DOK5: variants seen among roughly 807,000 people sequenced by gnomAD.
DOK5 encodes the protein docking protein 5, also known as downstream of tyrosine kinase 5.
In DOK5, 27 loss-of-function variants were observed where a neutral mutation model predicts 43.3. That is an observed-to-expected ratio of 0.62 (90% confidence interval 0.46 to 0.86). DOK5 has a LOEUF of 0.86. Ranked by LOEUF, DOK5 falls within the 40% of genes least tolerant of loss-of-function variation. The probability of loss-of-function intolerance (pLI) is 0.00; values close to 1 mark genes in which losing one functional copy is unlikely to be tolerated. For missense variants in DOK5, 373 were observed against 392.9 expected, an observed-to-expected ratio of 0.95 and a Z score of 0.43; for synonymous variants, 146 against 140.1, an observed-to-expected ratio of 1.04 and a Z score of -0.30.
At chr20:54,575,395 T>A (rs912791868) in intron 2 of DOK5, among the ~76,000 whole-genome samples, 1 of 152,154 alleles carries the variant, frequency 6.6e-6, no homozygotes, top group Non-Finnish European at 1.5e-5. Flanking sequence ...TATTGCCTAT[T>A]TTCTTAGTTG....
chr20:54,605,619 C>T (rs1986447234), intron 5 of DOK5, among the ~76,000 whole-genome samples: 1 of 152,246 alleles, frequency 6.6e-6, no homozygotes, highest in Admixed American at 6.5e-5. Context: ...CCCAGGGTAA[C>T]TCAATGAATT....
chr20:54,603,616 G>C (rs1292719644), intron 5 of DOK5, among the ~76,000 whole-genome samples: 1 of 152,126 alleles, frequency 6.6e-6, no homozygotes, highest in Non-Finnish European at 1.5e-5. Context: ...TAAACTGCAG[G>C]GTACTACTGG....
rs182710869 is a variant in DOK5 at position 54,494,270 on chromosome 20, C to T, written c.66+18258C>T. ...CTGGGAAGGAGCTGGATGTTCTACA[C>T]TTTTACCGATTTCCTTCAAAACTGC... On this transcript the variant is annotated intron_variant, in intron 1 of 7. Coordinates refer to ENST00000262593, the MANE Select transcript of DOK5 (RefSeq NM_018431.5). 2.2e-4 allele frequency among the ~76,000 whole-genome samples: 34 copies of T among 152,354 alleles called. No individual in the cohort carries two copies. In the East Asian group the frequency reaches 6.4e-3, roughly 28 times the overall value.
chr20:54,488,993 T>A (rs539837283), intron 1 of DOK5, among the ~76,000 whole-genome samples: 33 of 152,212 alleles, frequency 2.2e-4, no homozygotes, highest in African/African-American at 7.0e-4. Flanking sequence ...AATGGATGAA[T>A]GGTTTTACTT....
At chr20:54,614,977 A>G (rs1384959122) in intron 6 of DOK5, among the ~76,000 whole-genome samples, 1 of 152,242 alleles carries the variant, frequency 6.6e-6, no homozygotes, top group African/African-American at 2.4e-5. Context: ...CCCACTAGGA[A>G]TTGCCTTTAT....
At chr20:54,483,448 G>T (rs901964964) in intron 1 of DOK5, among the ~76,000 whole-genome samples, 6 of 152,136 alleles carry the variant, frequency 3.9e-5, no homozygotes, top group Non-Finnish European at 8.8e-5. Context: ...TCCTCAAGGA[G>T]TTGACAATTT....
chr20:54,615,824 C>A (rs568852397), intron 6 of DOK5, among the ~76,000 whole-genome samples: 15 of 151,870 alleles, frequency 9.9e-5, no homozygotes, highest in African/African-American at 3.4e-4. Context: ...TTGTTTGAAC[C>A]TGGGAGGTGG....
chr20:54,641,577 TCATCTC>T (rs746336744), intron 6 of DOK5, among the ~76,000 whole-genome samples: 2,293 of 63,182 alleles, frequency 0.036, 33 homozygotes, highest in South Asian at 0.12. Context: ...ATCATCATCA[TCATCTC>T]CATCTCCATT....
intron 2 of DOK5, among the ~76,000 whole-genome samples, chr20:54,583,985 CA>C (rs56957710): frequency 0.17 from 21,557 of 124,756 alleles, 4,763 homozygotes; most frequent in African/African-American, 0.51. Context: ...ACTAAAAATA[CA>C]AAAAAAAAAA....
intron 6 of DOK5, among the ~76,000 whole-genome samples, chr20:54,632,407 C>A (rs763651291): frequency 6.6e-6 from 1 of 152,140 alleles, no homozygotes; most frequent in Non-Finnish European, 1.5e-5. Flanking sequence ...TCTATTATGA[C>A]CTTGTTCAGA....
At chr20:54,644,697 C>G (rs1979292683) in intron 7 of DOK5, among the ~76,000 whole-genome samples, 1 of 71,238 alleles carries the variant, frequency 1.4e-5, no homozygotes. Flanking sequence ...CAGAGAGAGA[C>G]TCCGTCTCAA....
chr20:54,614,259 A>G (rs753427074), intron 6 of DOK5, among the ~76,000 whole-genome samples: 5 of 152,086 alleles, frequency 3.3e-5, no homozygotes, highest in Non-Finnish European at 7.4e-5. Flanking sequence ...AACTAATACA[A>G]TCTTGGTATT....
chr20:54,528,723 G>A lies in DOK5; in HGVS notation c.67-26210G>A, dbSNP rs140905519. On this transcript the variant is annotated intron_variant, in intron 1 of 7. Transcript: ENST00000262593. ...CCAAATAAAAAGAGAATGACTGCTG[G>A]GAGGCAGCTTTTTGGAACTGCTGCA... is the stretch of plus-strand genomic sequence containing the variant. 5.9e-5 allele frequency among the ~76,000 whole-genome samples: 9 copies of A among 152,258 alleles called. No individual in the cohort carries two copies. In the East Asian group the frequency reaches 1.7e-3, roughly 29 times the overall value.
intron 5 of DOK5, among the ~76,000 whole-genome samples, chr20:54,603,884 C>T (rs556486394): frequency 6.6e-6 from 1 of 150,684 alleles, no homozygotes; most frequent in East Asian, 1.9e-4. Flanking sequence ...TGTTGTTGGC[C>T]TTGCTATAGC....
At chr20:54,491,908 C>A (rs573773032) in intron 1 of DOK5, among the ~76,000 whole-genome samples, 50 of 148,384 alleles carry the variant, frequency 3.4e-4, no homozygotes, top group African/African-American at 1.1e-3. Flanking sequence ...TAATTTCTGG[C>A]AAAGAATGGC....
At chr20:54,632,206 G>T (rs544842594) in intron 6 of DOK5, among the ~76,000 whole-genome samples, 3 of 152,062 alleles carry the variant, frequency 2.0e-5, no homozygotes, top group African/African-American at 7.2e-5. Context: ...CTTAACTCAG[G>T]CTTGTTCCTT....
chr20:54,570,404 T>C (rs1349594228), intron 2 of DOK5, among the ~76,000 whole-genome samples: 2 of 152,202 alleles, frequency 1.3e-5, no homozygotes, highest in African/African-American at 4.8e-5. Flanking sequence ...AATTAAATTG[T>C]TTTTTAAGAA....
Position 54,498,587 on chromosome 20 carries a change from C to G in DOK5, c.66+22575C>G, listed in dbSNP as rs113277174. 4.0e-3 allele frequency among the ~76,000 whole-genome samples: 612 copies of G among 152,234 alleles called. 4 individuals carry two copies. Among genetic ancestry groups the G allele is most frequent in the African/African-American group, 0.014 (581 of 41,540 alleles). On this transcript the variant is annotated intron_variant, in intron 1 of 7. Transcript: ENST00000262593. ...AAGCTGATTTGGAAATAAAATGTAC[C>G]TTGATAATTTGTTTACTTTTAATTT...
chr20:54,617,828 A>G (rs1986861198), intron 6 of DOK5, among the ~76,000 whole-genome samples: 2 of 152,194 alleles, frequency 1.3e-5, no homozygotes. Context: ...CTTGCTAGTA[A>G]TACGATGTAT....
Sources: gnomAD v4.1 joint callset for allele counts (sites outside exome capture counted in the v4.1 genomes callset) on GRCh38, gnomAD v4.1.1 for gene constraint, MANE v1.5 for transcripts, NCBI Gene and HGNC (gene_info 2026-07-23, HGNC 2026-07-21) for gene names.